The following SH3PXD2B variants were observed in gnomAD, a reference collection of about 807,000 sequenced individuals.
SH3PXD2B encodes SH3 and PX domain-containing protein 2B.
Under a neutral mutation model 73.1 loss-of-function variants are expected in SH3PXD2B, and 37 were observed. That is an observed-to-expected ratio of 0.51 (90% CI 0.39 to 0.67). The LOEUF (loss-of-function observed/expected upper bound fraction) is 0.67, where lower values mean the gene tolerates loss of function less well. SH3PXD2B is among the 30% of genes least tolerant of loss of function. The probability of loss-of-function intolerance (pLI) is 0.00; values close to 1 mark genes in which losing one functional copy is unlikely to be tolerated. For missense variants in SH3PXD2B, 1,053 were observed against 1,197.8 expected (o/e 0.88, Z 1.78); for synonymous variants, 457 against 480.5 (o/e 0.95, Z 0.64).
chr5:172,345,771 C>T (rs568299109), intron 12 of SH3PXD2B, among the ~76,000 whole-genome samples: 2 of 152,262 alleles, frequency 1.3e-5, no homozygotes, highest in Non-Finnish European at 2.9e-5. Context: ...CACAAGACCA[C>T]ATACTGTGGG....
rs1218062288 is a variant in SH3PXD2B, at chr5:172,422,409, T to C, written c.156+7A>G. The C allele has an allele frequency of 1.2e-6, 2 of 1,605,218 alleles. No individual in the cohort carries two copies. Among genetic ancestry groups the C allele is most frequent in the South Asian group, 1.1e-5 (1 of 88,920 alleles). On this transcript the variant is annotated splice_region_variant and intron_variant, in intron 2 of 12. Coordinates refer to ENST00000311601, the MANE Select transcript of SH3PXD2B (RefSeq NM_001017995.3). ...CCTGCAGCTCACCAGAGACCTCAAA[T>C]CCTTACCTGGAGGTCAAAAAACTTG...
chr5:172,348,969 T>TC (rs1561897130), intron 10 of SH3PXD2B, among the ~76,000 whole-genome samples: 1 of 152,114 alleles, frequency 6.6e-6, no homozygotes, highest in Non-Finnish European at 1.5e-5. Context: ...AGCCTCAGCC[T>TC]CCCAAAGCAC....
At chr5:172,409,499 C>T (rs917951089) in intron 2 of SH3PXD2B, among the ~76,000 whole-genome samples, 1 of 152,160 alleles carries the variant, frequency 6.6e-6, no homozygotes, top group African/African-American at 2.4e-5. Flanking sequence ...CCTACCCTCC[C>T]CAGCCTCTAG....
intron 10 of SH3PXD2B, among the ~76,000 whole-genome samples, chr5:172,348,180 C>T (rs1757038230): frequency 6.6e-6 from 1 of 152,178 alleles, no homozygotes; most frequent in Non-Finnish European, 1.5e-5. Flanking sequence ...TCCAGTCACC[C>T]TTGCAGCCAG....
Position 172,439,767 on chromosome 5 carries a change from A to G in SH3PXD2B, c.75+14511T>C, listed in dbSNP as rs201092366. On this transcript the variant is annotated intron_variant, in intron 1 of 12. Coordinates refer to ENST00000311601, the MANE Select transcript of SH3PXD2B (RefSeq NM_001017995.3). ...CCTCTGGGCTCCCCTAACTCATGGA[A>G]TCTTATCCAGCGGCATGGGCAGCAG... 4.0e-5 allele frequency among the ~76,000 whole-genome samples: 6 copies of G among 149,676 alleles called. No homozygotes were observed. In the South Asian group the frequency reaches 8.5e-4, roughly 21 times the overall value.
chr5:172,341,892 C>T (rs565907129), intron 12 of SH3PXD2B, among the ~76,000 whole-genome samples: 1 of 151,954 alleles, frequency 6.6e-6, no homozygotes, highest in Non-Finnish European at 1.5e-5. Context: ...CTCCTGACCT[C>T]GTGATCTGCC....
chr5:172,420,603 C>T (rs1012236712), intron 2 of SH3PXD2B, among the ~76,000 whole-genome samples: 5 of 152,224 alleles, frequency 3.3e-5, no homozygotes, highest in African/African-American at 9.6e-5. Context: ...ATGTTGACTT[C>T]ACCTCTGTTC....
At chr5:172,437,815 G>A (rs1759429294) in intron 1 of SH3PXD2B, among the ~76,000 whole-genome samples, 1 of 152,198 alleles carries the variant, frequency 6.6e-6, no homozygotes, top group South Asian at 2.1e-4. Flanking sequence ...CGAAGGCTCA[G>A]GTGGCTGGTT....
At position 172,341,908 on chromosome 5, in the gene SH3PXD2B, C is replaced by T. The variant is rs577332539; in HGVS notation, c.1189-1992G>A. Among the ~76,000 whole-genome samples, 12 of 152,170 alleles carry T rather than the reference C, an allele frequency of 7.9e-5. No individual in the cohort carries two copies. The East Asian group carries it at 9.7e-4, about 12-fold the overall frequency. ...TCCTGACCTCGTGATCTGCCCATCTCGGCCTCCCAAAGTGCTGGGATTATA... is the reference window on the plus strand; with the variant it reads ...TCCTGACCTCGTGATCTGCCCATCTTGGCCTCCCAAAGTGCTGGGATTATA... On this transcript the variant is annotated intron_variant, in intron 12 of 12. Transcript: ENST00000311601.
At chr5:172,401,555 G>A (rs909830008) in intron 3 of SH3PXD2B, among the ~76,000 whole-genome samples, 2 of 152,102 alleles carry the variant, frequency 1.3e-5, no homozygotes, top group African/African-American at 2.4e-5. Context: ...TTGAGAGAAC[G>A]AACAAGCCTT....
At chr5:172,346,494 A>G (rs1757001579) in intron 11 of SH3PXD2B, among the ~76,000 whole-genome samples, 1 of 152,140 alleles carries the variant, frequency 6.6e-6, no homozygotes, top group South Asian at 2.1e-4. Context: ...ATTTGGGTAC[A>G]ATCATGAGAA....
In SH3PXD2B at chr5:172,337,770, C is replaced by T. The variant is rs1031546944; in HGVS notation, c.*599G>A. ...TCTCCAGGCCCACTCCTGGGGGAGC[C>T]GCATCCAGTGGAACCTCAGAGGCCC... is the stretch of plus-strand genomic sequence containing the variant. On this transcript the variant is annotated 3_prime_UTR_variant, in exon 13 of 13. Transcript: ENST00000311601. 1.0e-5 allele frequency: 10 copies of T among 995,754 alleles called. No homozygotes were observed. The highest frequency in any genetic ancestry group is 1.7e-5 in the African/African-American group (1 of 57,264). 61.7% of individuals were successfully genotyped at this position (995,754 alleles called of 1,614,324 possible). A position where few individuals can be genotyped will look rare whatever the true frequency, so the allele number is the denominator to read the frequency against.
In SH3PXD2B at chr5:172,440,012, G is replaced by A. The variant is rs534982187; in HGVS notation, c.75+14266C>T. On this transcript the variant is annotated intron_variant, in intron 1 of 12. Coordinates refer to ENST00000311601, the MANE Select transcript of SH3PXD2B (RefSeq NM_001017995.3). Reference sequence around the variant, plus strand: ...TGGCAGCTGGAGCCCAGGCTCAGCCGGAACCAACCTGAAGGCTGGCTTTCT... The same window carrying A: ...TGGCAGCTGGAGCCCAGGCTCAGCCAGAACCAACCTGAAGGCTGGCTTTCT... Among the ~76,000 whole-genome samples the A allele has an allele frequency of 1.6e-3, 238 of 152,262 alleles. 1 individual carries two copies. Among genetic ancestry groups the A allele is most frequent in the African/African-American group, 5.2e-3 (215 of 41,542 alleles).
At chr5:172,328,996 TATAG>T (rs143253121), downstream of SH3PXD2B, among the ~76,000 whole-genome samples, 2,302 of 149,556 alleles carry the variant, frequency 0.015, 62 homozygotes, top group African/African-American at 0.053. Context: ...TGTTAACATG[TATAG>T]ATACACACAT....
chr5:172,325,217 A>T, exon 13 of SH3PXD2B: 2 of 1,268,260 alleles, frequency 1.6e-6, no homozygotes, highest in East Asian at 5.1e-5. Context: ...ACAAAAAAAA[A>T]TACAGTAAAA....
chr5:172,448,256 G>A (rs1025158619), intron 1 of SH3PXD2B, among the ~76,000 whole-genome samples: 5 of 152,240 alleles, frequency 3.3e-5, no homozygotes, highest in Admixed American at 1.3e-4. Context: ...TGCATAGTGT[G>A]CCTTCTGGGC....
intron 3 of SH3PXD2B, among the ~76,000 whole-genome samples, chr5:172,405,116 G>A (rs181370560): frequency 9.8e-5 from 15 of 152,366 alleles, no homozygotes; most frequent in East Asian, 3.9e-4. Flanking sequence ...AGCTGAAGCC[G>A]TGATAGTATT....
At chr5:172,333,131 C>T (rs148771792), downstream of SH3PXD2B, among the ~76,000 whole-genome samples, 333 of 151,778 alleles carry the variant, frequency 2.2e-3, no homozygotes, top group Admixed American at 3.6e-3. Context: ...GATGGGGTTT[C>T]GCCATATTGG....
At chr5:172,446,414 CCTGCAG>C (rs1051195994) in intron 1 of SH3PXD2B, among the ~76,000 whole-genome samples, 1 of 152,216 alleles carries the variant, frequency 6.6e-6, no homozygotes, top group African/African-American at 2.4e-5. Flanking sequence ...GGCTCCCTTT[CCTGCAG>C]CTGCAGGGAC....
Sources: allele counts gnomAD v4.1 joint callset (sites outside exome capture counted in the v4.1 genomes callset), GRCh38; gene constraint gnomAD v4.1.1; transcripts MANE v1.5; gene names NCBI Gene and HGNC (gene_info 2026-07-23, HGNC 2026-07-21).